Variants in GPC6 observed in about 807,000 individuals in gnomAD.
GPC6 encodes the protein glypican-6.
A neutral mutation model predicts 55.2 loss-of-function variants in GPC6; 14 were observed. That is an observed-to-expected ratio of 0.25 (90% CI 0.17 to 0.40). The LOEUF (loss-of-function observed/expected upper bound fraction) is 0.40, where lower values mean the gene tolerates loss of function less well. GPC6 is among the 10% of genes least tolerant of loss of function. The pLI, the probability that GPC6 is intolerant of heterozygous loss-of-function variation, is 1.00. For synonymous variants in GPC6, 278 were observed against 259.6 expected (o/e 1.07, Z -0.68); for missense variants, 641 against 708.5 (o/e 0.90, Z 1.08).
chr13:93,811,517 T>A (rs1886694097), intron 2 of GPC6, among the ~76,000 whole-genome samples: 1 of 152,158 alleles, frequency 6.6e-6, no homozygotes, highest in Admixed American at 6.5e-5. Flanking sequence ...GTTCTTAGAT[T>A]TGGTCAGTAA....
At chr13:93,261,430 G>A (rs1274947999) in intron 1 of GPC6, among the ~76,000 whole-genome samples, 1 of 152,120 alleles carries the variant, frequency 6.6e-6, no homozygotes, top group Non-Finnish European at 1.5e-5. Context: ...TCAGCTCTCA[G>A]GAATAGCACA....
intron 6 of GPC6, among the ~76,000 whole-genome samples, chr13:94,313,216 T>C (rs955117000): frequency 1.6e-4 from 24 of 152,314 alleles, no homozygotes; most frequent in East Asian, 9.6e-4. Context: ...GAGGCTGTGA[T>C]TGATAAGGCC....
intron 4 of GPC6, among the ~76,000 whole-genome samples, chr13:94,054,299 C>T (rs997749711): frequency 3.3e-5 from 5 of 152,184 alleles, no homozygotes; most frequent in African/African-American, 1.2e-4. Flanking sequence ...GGCTGATTGT[C>T]ACTCGCAAAG....
chr13:93,684,069 G>GT (rs138065231), intron 2 of GPC6, among the ~76,000 whole-genome samples: 165 of 152,184 alleles, frequency 1.1e-3, no homozygotes, highest in African/African-American at 3.7e-3. Flanking sequence ...TCCTAACACC[G>GT]TCACACAGGG....
At chr13:93,492,104 C>T (rs1203834444) in intron 1 of GPC6, among the ~76,000 whole-genome samples, 1 of 144,478 alleles carries the variant, frequency 6.9e-6, no homozygotes, top group African/African-American at 2.6e-5. Flanking sequence ...CTGTAAATTA[C>T]CTTGGGCAGT....
At chr13:94,138,540 G>A (rs897335083) in intron 4 of GPC6, among the ~76,000 whole-genome samples, 4 of 152,200 alleles carry the variant, frequency 2.6e-5, no homozygotes, top group South Asian at 4.2e-4. Context: ...ACACTTTCAA[G>A]TACCTTCTTC....
chr13:93,250,314 G>A (rs1566540917), intron 1 of GPC6, among the ~76,000 whole-genome samples: 1 of 152,170 alleles, frequency 6.6e-6, no homozygotes, highest in Admixed American at 6.5e-5. Context: ...TCTTTCTCAC[G>A]AAAGAAAACT....
intron 2 of GPC6, among the ~76,000 whole-genome samples, chr13:93,672,924 G>C (rs1378517359): frequency 4.6e-5 from 7 of 151,966 alleles, no homozygotes; most frequent in Admixed American, 2.0e-4. Context: ...TTTGAGTTCT[G>C]TTCTCAGATG....
At chr13:93,419,357 G>T (rs1417782313) in intron 1 of GPC6, among the ~76,000 whole-genome samples, 2 of 151,660 alleles carry the variant, frequency 1.3e-5, no homozygotes, top group African/African-American at 4.8e-5. Context: ...TCTATGTAAA[G>T]GTATTTGAAA....
At chr13:94,000,486 A>AAT (rs1881749459) in intron 3 of GPC6, among the ~76,000 whole-genome samples, 1 of 152,160 alleles carries the variant, frequency 6.6e-6, no homozygotes, top group African/African-American at 2.4e-5. Flanking sequence ...GAATTTTTGA[A>AAT]ATATATATTT....
intron 4 of GPC6, among the ~76,000 whole-genome samples, chr13:94,046,264 G>T (rs1426693533): frequency 6.6e-6 from 1 of 152,052 alleles, no homozygotes; most frequent in Non-Finnish European, 1.5e-5. Flanking sequence ...TTTCAACTTG[G>T]TTCTAAAATG....
At chr13:94,338,905 T>G (rs1327450637) in intron 6 of GPC6, among the ~76,000 whole-genome samples, 1 of 152,144 alleles carries the variant, frequency 6.6e-6, no homozygotes, top group Non-Finnish European at 1.5e-5. Context: ...CAGCTTTCTA[T>G]CTTGCCATTG....
chr13:93,879,448 A>G (rs1374272581), intron 3 of GPC6, among the ~76,000 whole-genome samples: 1 of 152,076 alleles, frequency 6.6e-6, no homozygotes, highest in East Asian at 1.9e-4. Flanking sequence ...AACCTGAGAA[A>G]AACAAGCAAT....
chr13:93,551,187 A>G (rs576201839), intron 2 of GPC6, among the ~76,000 whole-genome samples: 44 of 152,202 alleles, frequency 2.9e-4, no homozygotes, highest in Non-Finnish European at 5.7e-4. Context: ...CATATTGTAA[A>G]TAATTTACCA....
chr13:93,921,732 A>C (rs947044861), intron 3 of GPC6, among the ~76,000 whole-genome samples: 1 of 151,646 alleles, frequency 6.6e-6, no homozygotes, highest in Non-Finnish European at 1.5e-5. Flanking sequence ...GTGGGCCAAA[A>C]GGCAGCATTT....
At chr13:94,390,200 T>C (rs1472523043) in intron 7 of GPC6, among the ~76,000 whole-genome samples, 4 of 152,210 alleles carry the variant, frequency 2.6e-5, no homozygotes, top group Non-Finnish European at 4.4e-5. Context: ...TGCACGATGA[T>C]GGCAAATCTG....
chr13:93,310,100 A>C (rs1160862459), intron 1 of GPC6, among the ~76,000 whole-genome samples: 3 of 152,232 alleles, frequency 2.0e-5, no homozygotes, highest in African/African-American at 7.2e-5. Context: ...CATTTCACAC[A>C]GTCTCATAGA....
At chr13:93,522,852 C>T (rs529993138) in intron 1 of GPC6, among the ~76,000 whole-genome samples, 1 of 151,794 alleles carries the variant, frequency 6.6e-6, no homozygotes, top group Non-Finnish European at 1.5e-5. Flanking sequence ...GTGCTGGTGG[C>T]TCCTATCTGA....
At chr13:94,128,476 A>G (rs1886898792) in intron 4 of GPC6, among the ~76,000 whole-genome samples, 1 of 152,158 alleles carries the variant, frequency 6.6e-6, no homozygotes, top group African/African-American at 2.4e-5. Context: ...GCCTAATATG[A>G]GTCAGGTGGG....
Sources: allele counts gnomAD v4.1 joint callset (sites outside exome capture counted in the v4.1 genomes callset), GRCh38; gene constraint gnomAD v4.1.1; transcripts MANE v1.5; gene names NCBI Gene and HGNC (gene_info 2026-07-23, HGNC 2026-07-21).